Variants in ELK3 observed in about 807,000 individuals in gnomAD.
ELK3 encodes ETS domain-containing protein Elk-3.
In ELK3, 10 loss-of-function variants were observed where a neutral mutation model predicts 28.9. The ratio of observed to expected loss-of-function variants is 0.35; its 90% CI spans 0.21 to 0.59. ELK3 has a LOEUF of 0.59. ELK3 is among the 20% of genes least tolerant of loss of function. ELK3 has a pLI of 0.82. For synonymous variants in ELK3, 272 were observed against 243.5 expected, an observed-to-expected ratio of 1.12 and a Z score of -1.09; for missense variants, 463 against 517.3, an observed-to-expected ratio of 0.90 and a Z score of 1.02.
chr12:96,243,106 T>C (rs1259513688), intron 2 of ELK3, among the ~76,000 whole-genome samples: 1 of 152,216 alleles, frequency 6.6e-6, no homozygotes, highest in East Asian at 1.9e-4. Flanking sequence ...TGTCTTCCAC[T>C]TAAACACGTA....
At chr12:96,196,635 A>G (rs1234236892) in intron 1 of ELK3, among the ~76,000 whole-genome samples, 2 of 152,128 alleles carry the variant, frequency 1.3e-5, no homozygotes, top group South Asian at 2.1e-4. Flanking sequence ...GAGACTGTCC[A>G]TAAGTGTTCT....
intron 1 of ELK3, among the ~76,000 whole-genome samples, chr12:96,213,087 T>G (rs1447971539): frequency 6.6e-6 from 1 of 152,206 alleles, no homozygotes; most frequent in East Asian, 1.9e-4. Context: ...TAGCTGTTTA[T>G]GTGTTGTGGA....
intron 1 of ELK3, among the ~76,000 whole-genome samples, chr12:96,198,645 T>C (rs1951488165): frequency 1.3e-5 from 2 of 152,336 alleles, no homozygotes; most frequent in South Asian, 4.1e-4. Context: ...GGTTGTTTTT[T>C]TTCCTATTGT....
chr12:96,234,632 G>C (rs922873823), intron 2 of ELK3, among the ~76,000 whole-genome samples: 3 of 152,182 alleles, frequency 2.0e-5, no homozygotes, highest in African/African-American at 7.2e-5. Flanking sequence ...GCAGCATTTT[G>C]TTTTAAGCCA....
At chr12:96,243,453 T>C (rs1243358795) in intron 2 of ELK3, among the ~76,000 whole-genome samples, 2 of 152,242 alleles carry the variant, frequency 1.3e-5, no homozygotes, top group Non-Finnish European at 2.9e-5. Context: ...TTCTATTCTA[T>C]GGCTCATGCC....
intron 2 of ELK3, among the ~76,000 whole-genome samples, chr12:96,229,660 T>C (rs1010161899): frequency 2.0e-5 from 3 of 150,542 alleles, no homozygotes; most frequent in Non-Finnish European, 2.9e-5. Context: ...GCCTCCTGAG[T>C]AGCTGGGACT....
chr12:96,234,956 C>T (rs1267010412), intron 2 of ELK3, among the ~76,000 whole-genome samples: 1 of 152,094 alleles, frequency 6.6e-6, no homozygotes, highest in Admixed American at 6.6e-5. Context: ...GAGAGACAGG[C>T]CCCCGGTATT....
rs539186645 is a variant in ELK3, at chr12:96,194,923, C to T, written c.-3+218C>T. Among the ~76,000 whole-genome samples the T allele has an allele frequency of 1.0e-4, 15 of 146,004 alleles. No individual in the cohort carries two copies. The East Asian group carries it at 3.1e-3, about 30-fold the overall frequency. On this transcript the variant is annotated intron_variant, in intron 1 of 4. Transcript: ENST00000228741. Reference sequence around the variant, plus strand: ...GCTCCTGCGCCCGCGTCGCTGCCACCGCCGTCGCCCGAGCTCGCGCCGGGC... The same window carrying T: ...GCTCCTGCGCCCGCGTCGCTGCCACTGCCGTCGCCCGAGCTCGCGCCGGGC...
chr12:96,233,527 T>C (rs1190813651), intron 2 of ELK3, among the ~76,000 whole-genome samples: 1 of 152,236 alleles, frequency 6.6e-6, no homozygotes, highest in Non-Finnish European at 1.5e-5. Context: ...TGGCAACCTA[T>C]TCCTGGAATT....
chr12:96,212,745 G>GT (rs1951586102), intron 1 of ELK3: 1 of 152,202 alleles, frequency 6.6e-6, no homozygotes, highest in South Asian at 2.1e-4. Context: ...ATGAAGATGT[G>GT]TGTGTGTTGA....
In ELK3 at chr12:96,217,358, G is replaced by T. The variant is rs556322128; in HGVS notation, c.-2-6207G>T. 2.6e-5 allele frequency among the ~76,000 whole-genome samples: 4 copies of T among 152,340 alleles called. No homozygotes were observed. In the East Asian group the frequency reaches 7.7e-4, roughly 29 times the overall value. On this transcript the variant is annotated intron_variant, in intron 1 of 4. Transcript: ENST00000228741. ...TTGGAAGGTATTTTACAACGTTGTTGACTATAGGTAACTGATCATGAAATA... is the reference window on the plus strand; with the variant it reads ...TTGGAAGGTATTTTACAACGTTGTTTACTATAGGTAACTGATCATGAAATA...
chr12:96,206,679 A>G (rs543183174), intron 1 of ELK3, among the ~76,000 whole-genome samples: 16 of 152,332 alleles, frequency 1.1e-4, no homozygotes, highest in African/African-American at 3.4e-4. Flanking sequence ...CTGAACAATT[A>G]TTGGAAGAGC....
intron 2 of ELK3, among the ~76,000 whole-genome samples, chr12:96,230,954 A>T (rs1054850969): frequency 6.6e-6 from 1 of 152,220 alleles, no homozygotes; most frequent in Non-Finnish European, 1.5e-5. Flanking sequence ...TGCCCCATCC[A>T]GGGAGCGGCA....
At chr12:96,242,663 G>A (rs1461494798) in intron 2 of ELK3, among the ~76,000 whole-genome samples, 1 of 151,166 alleles carries the variant, frequency 6.6e-6, no homozygotes, top group South Asian at 2.2e-4. Flanking sequence ...TCCTCCAGCC[G>A]TGGGCACCGC....
chr12:96,196,453 A>C (rs1449886239), intron 1 of ELK3, among the ~76,000 whole-genome samples: 1 of 151,958 alleles, frequency 6.6e-6, no homozygotes, highest in Non-Finnish European at 1.5e-5. Context: ...CCAGGCATCT[A>C]TTCATGAGCC....
intron 2 of ELK3, among the ~76,000 whole-genome samples, chr12:96,229,883 G>T (rs1951728864): frequency 6.6e-6 from 1 of 152,036 alleles, no homozygotes; most frequent in Non-Finnish European, 1.5e-5. Flanking sequence ...CCACCTTAAT[G>T]CATTATGACC....
intron 1 of ELK3, among the ~76,000 whole-genome samples, chr12:96,214,979 A>G (rs1396529473): frequency 2.0e-5 from 3 of 152,352 alleles, no homozygotes; most frequent in Non-Finnish European, 2.9e-5. Context: ...AGAAGTGTTC[A>G]AATCCATCTT....
intron 1 of ELK3, among the ~76,000 whole-genome samples, chr12:96,204,720 G>T (rs1951529244): frequency 1.3e-5 from 2 of 152,178 alleles, no homozygotes; most frequent in African/African-American, 4.8e-5. Flanking sequence ...CATCCTCAGA[G>T]TTAATGATCC....
chr12:96,239,116 T>C (rs2137027580), intron 2 of ELK3, among the ~76,000 whole-genome samples: 1 of 152,296 alleles, frequency 6.6e-6, no homozygotes, highest in East Asian at 1.9e-4. Flanking sequence ...GTAATACATA[T>C]CAAATATACA....
Sources: gnomAD v4.1 joint callset for allele counts (sites outside exome capture counted in the v4.1 genomes callset) on GRCh38, gnomAD v4.1.1 for gene constraint, MANE v1.5 for transcripts, NCBI Gene and HGNC (gene_info 2026-07-23, HGNC 2026-07-21) for gene names.